Variants in BMPR1B observed in about 807,000 individuals in gnomAD.
The protein encoded by BMPR1B is bone morphogenetic protein receptor type 1B.
A neutral mutation model predicts 59.1 loss-of-function variants in BMPR1B; 12 were observed. That is an observed-to-expected ratio of 0.20 (90% CI 0.13 to 0.33). The LOEUF (loss-of-function observed/expected upper bound fraction) is 0.33. Ranked by LOEUF, BMPR1B falls within the 10% of genes least tolerant of loss-of-function variation. The pLI is 1.00. For synonymous variants in BMPR1B, 237 were observed against 207.3 expected, an observed-to-expected ratio of 1.14 and a Z score of -1.23; for missense variants, 550 against 610.9, an observed-to-expected ratio of 0.90 and a Z score of 1.05.
At chr4:95,146,184 G>A (rs944060513) in intron 10 of BMPR1B, among the ~76,000 whole-genome samples, 2 of 152,086 alleles carry the variant, frequency 1.3e-5, no homozygotes, top group African/African-American at 4.8e-5. Flanking sequence ...CTACTACTAG[G>A]GCAAACGTCT....
chr4:94,863,315 C>T (rs1369955621), intron 1 of BMPR1B, among the ~76,000 whole-genome samples: 1 of 150,710 alleles, frequency 6.6e-6, no homozygotes, highest in Non-Finnish European at 1.5e-5. Context: ...TGCACGTGTA[C>T]CCCTGAAACT....
Position 95,116,415 on chromosome 4 carries a change from G to GCACACACACACA in BMPR1B, c.349+629_349+630insACACACACACAC, listed in dbSNP as rs1491178901. ...CCCTTTCTCCTCCTCCATGCTTTCA[G>GCACACACACACA]CGCGCGCACACACACACACACACAC... On this transcript the variant is annotated intron_variant, in intron 6 of 12. Coordinates refer to ENST00000515059, the MANE Select transcript of BMPR1B (RefSeq NM_001203.3). Among the ~76,000 whole-genome samples, 90 of 67,884 alleles carry GCACACACACACA rather than the reference G, an allele frequency of 1.3e-3. 1 individual carries two copies. Among genetic ancestry groups the GCACACACACACA allele is most frequent in the African/African-American group, 6.6e-3 (83 of 12,584 alleles). 44.5% of individuals were successfully genotyped at this position (67,884 alleles called of 152,430 possible).
chr4:95,014,602 T>G (rs1228110624), intron 3 of BMPR1B, among the ~76,000 whole-genome samples: 1 of 152,216 alleles, frequency 6.6e-6, no homozygotes, highest in Non-Finnish European at 1.5e-5. Context: ...GCATTCTCTA[T>G]TTTATGTAGG....
At chr4:95,030,528 G>A (rs1724758193) in intron 3 of BMPR1B, among the ~76,000 whole-genome samples, 3 of 151,958 alleles carry the variant, frequency 2.0e-5, no homozygotes, top group African/African-American at 7.3e-5. Context: ...AGGGCAATTA[G>A]GCAGGAGAAG....
At chr4:94,939,848 A>G (rs1729443101) in intron 2 of BMPR1B, among the ~76,000 whole-genome samples, 1 of 152,196 alleles carries the variant, frequency 6.6e-6, no homozygotes, top group African/African-American at 2.4e-5. Flanking sequence ...AAGCCATTTT[A>G]GGACATCTTT....
At chr4:95,109,650 T>G (rs1731468769) in intron 4 of BMPR1B, among the ~76,000 whole-genome samples, 1 of 152,004 alleles carries the variant, frequency 6.6e-6, no homozygotes, top group Admixed American at 6.6e-5. Context: ...GATGTTGATT[T>G]CAAACCATTG....
At chr4:95,124,008 T>A in intron 7 of BMPR1B, 102 bp downstream of exon 7, 1 of 779,844 alleles carries the variant, frequency 1.3e-6, no homozygotes, top group Non-Finnish European at 2.2e-6. Flanking sequence ...CAGCTTTATT[T>A]ATCTTAATTA....
intron 2 of BMPR1B, among the ~76,000 whole-genome samples, chr4:94,990,233 G>A (rs1290792836): frequency 6.6e-6 from 1 of 152,046 alleles, no homozygotes; most frequent in Non-Finnish European, 1.5e-5. Flanking sequence ...GCAGGCGCCT[G>A]TATCCCAGCT....
chr4:94,929,385 G>A (rs1490527389), intron 2 of BMPR1B, among the ~76,000 whole-genome samples: 10 of 152,024 alleles, frequency 6.6e-5, no homozygotes, highest in Non-Finnish European at 7.4e-5. Context: ...TGTAACTTTT[G>A]TATCACTTCT....
At chr4:95,056,484 G>A (rs1726936613) in intron 3 of BMPR1B, among the ~76,000 whole-genome samples, 4 of 152,110 alleles carry the variant, frequency 2.6e-5, no homozygotes, top group Admixed American at 2.6e-4. Context: ...GAAGTTTAAT[G>A]GAGACATAAA....
chr4:95,157,147 C>A lies in BMPR1B; in HGVS notation c.*2474C>A, dbSNP rs1264338235. The A allele has an allele frequency of 2.6e-5, 4 of 152,072 alleles. No homozygotes were observed. The highest frequency in any genetic ancestry group is 9.7e-5 in the African/African-American group (4 of 41,426). 9.4% of individuals were successfully genotyped at this position (152,072 alleles called of 1,614,324 possible). On this transcript the variant is annotated 3_prime_UTR_variant, in exon 13 of 13. Coordinates refer to ENST00000515059, the MANE Select transcript of BMPR1B (RefSeq NM_001203.3). ...AATTAAAATAGTCTTCAAACTTCTTCCTTATTATATTTGGTTGCTTTGGAA... is the reference window on the plus strand; with the variant it reads ...AATTAAAATAGTCTTCAAACTTCTTACTTATTATATTTGGTTGCTTTGGAA...
chr4:95,117,743 G>C (rs893884961), intron 6 of BMPR1B, among the ~76,000 whole-genome samples: 2 of 152,002 alleles, frequency 1.3e-5, no homozygotes, highest in African/African-American at 4.8e-5. Flanking sequence ...CTACAGTCCT[G>C]CCACTGCACT....
At chr4:94,807,584 C>G (rs533193267) in intron 1 of BMPR1B, among the ~76,000 whole-genome samples, 1 of 152,296 alleles carries the variant, frequency 6.6e-6, no homozygotes, top group South Asian at 2.1e-4. Flanking sequence ...AACATTGTAA[C>G]TGGAGAGAAT....
At chr4:95,145,573 A>G (rs1734582947) in intron 10 of BMPR1B, among the ~76,000 whole-genome samples, 1 of 152,014 alleles carries the variant, frequency 6.6e-6, no homozygotes, top group African/African-American at 2.4e-5. Flanking sequence ...ATTTATGTCT[A>G]TTTTTGGCTT....
chr4:94,779,909 A>G (rs1028747198), intron 1 of BMPR1B, among the ~76,000 whole-genome samples: 3 of 152,048 alleles, frequency 2.0e-5, no homozygotes, highest in African/African-American at 7.2e-5. Flanking sequence ...TAGTAAATGG[A>G]TATTAAGCTG....
At chr4:94,795,300 C>G (rs1398749756) in intron 1 of BMPR1B, among the ~76,000 whole-genome samples, 3 of 148,656 alleles carry the variant, frequency 2.0e-5, no homozygotes, top group Non-Finnish European at 3.0e-5. Flanking sequence ...GTCTTTGGCT[C>G]TGTTTATATG....
At chr4:94,807,501 TTAA>T (rs147852531) in intron 1 of BMPR1B, among the ~76,000 whole-genome samples, 12,047 of 152,192 alleles carry the variant, frequency 0.079, 497 homozygotes, top group South Asian at 0.11. Context: ...TGTTTAGTAA[TTAA>T]TAATAATTTT....
At chr4:95,147,244 G>A (rs2149323769) in intron 10 of BMPR1B, among the ~76,000 whole-genome samples, 1 of 152,180 alleles carries the variant, frequency 6.6e-6, no homozygotes, top group Non-Finnish European at 1.5e-5. Flanking sequence ...AGCCGGAAGT[G>A]ACTTTAAAAT....
In BMPR1B at chr4:94,935,367, A is replaced by T. The variant is rs73838619; in HGVS notation, c.-113+59467A>T. On this transcript the variant is annotated intron_variant, in intron 2 of 12. Coordinates refer to ENST00000515059, the MANE Select transcript of BMPR1B (RefSeq NM_001203.3). ...GTTTTAATATTTTGGTAATTTGTGA[A>T]CTTGGAAGCACTCATTAGACCACCA... Among the ~76,000 whole-genome samples the T allele has an allele frequency of 8.4e-3, 1,278 of 152,288 alleles. 26 individuals are homozygous for T. Among genetic ancestry groups the T allele is most frequent in the African/African-American group, 0.028 (1,178 of 41,550 alleles).
Sources: allele counts gnomAD v4.1 joint callset (sites outside exome capture counted in the v4.1 genomes callset), GRCh38; gene constraint gnomAD v4.1.1; transcripts MANE v1.5; gene names NCBI Gene and HGNC (gene_info 2026-07-23, HGNC 2026-07-21).